The following PANX1 variants were observed in gnomAD, a reference collection of about 807,000 sequenced individuals.
PANX1 encodes the protein pannexin-1.
A neutral mutation model predicts 38.7 loss-of-function variants in PANX1; 30 were observed. The ratio of observed to expected loss-of-function variants is 0.78; its 90% CI spans 0.58 to 1.05. PANX1 has a LOEUF of 1.05. Among genes scored for constraint, PANX1 ranks in the 50% least tolerant of loss-of-function variants. The probability of loss-of-function intolerance (pLI) is 0.00; values close to 1 mark genes in which losing one functional copy is unlikely to be tolerated. For missense variants in PANX1, 551 were observed against 517.2 expected (o/e 1.07, Z -0.63); for synonymous variants, 230 against 212.2 (o/e 1.08, Z -0.73).
intron 2 of PANX1, among the ~76,000 whole-genome samples, chr11:94,173,139 C>A (rs1484498930): frequency 6.6e-6 from 1 of 151,780 alleles, no homozygotes; most frequent in African/African-American, 2.4e-5. Flanking sequence ...ATCCTTCATG[C>A]ATCTTTTTAC....
At chr11:94,178,026 G>C (rs182439063) in intron 2 of PANX1, among the ~76,000 whole-genome samples, 1 of 148,220 alleles carries the variant, frequency 6.7e-6, no homozygotes, top group Non-Finnish European at 1.5e-5. Context: ...AGAAGCCTTC[G>C]TGATAGCTGC....
chr11:94,166,507 A>G (rs1947102500), intron 2 of PANX1, among the ~76,000 whole-genome samples: 1 of 152,152 alleles, frequency 6.6e-6, no homozygotes, highest in Non-Finnish European at 1.5e-5. Flanking sequence ...TAAGGTTTCC[A>G]CTGAAAAGTC....
Position 94,129,184 on chromosome 11 carries a change from G to A in PANX1, c.-129G>A. The stretch of plus-strand genomic sequence containing the variant: ...GAGGCACCGAGACACAAAGGCAGGC[G>A]GGATGCGGGAGCAGGCAAAGGGAAA... On this transcript the variant is annotated 5_prime_UTR_variant, in exon 1 of 5. Coordinates refer to ENST00000227638, the MANE Select transcript of PANX1 (RefSeq NM_015368.4). The A allele has an allele frequency of 7.4e-6, 5 of 671,400 alleles. No individual in the cohort carries two copies. The highest frequency in any genetic ancestry group is 1.2e-5 in the Non-Finnish European group (5 of 416,128). 41.6% of individuals were successfully genotyped at this position (671,400 alleles called of 1,614,324 possible).
rs76136632 is a variant in PANX1, at chr11:94,145,149, G to A, written c.182-8342G>A. Among the ~76,000 whole-genome samples the A allele has an allele frequency of 6.6e-3, 1,000 of 152,262 alleles. 9 individuals are homozygous for A. Among genetic ancestry groups the A allele is most frequent in the African/African-American group, 0.023 (958 of 41,550 alleles). On this transcript the variant is annotated intron_variant, in intron 1 of 4. Coordinates refer to ENST00000227638, the MANE Select transcript of PANX1 (RefSeq NM_015368.4). ...ACATGTGGATGAAGCAAGCCAAAGA[G>A]GACTATAGCGTGTACGTGATGCCCC...
intron 2 of PANX1, among the ~76,000 whole-genome samples, chr11:94,155,980 T>G (rs888583486): frequency 6.6e-6 from 1 of 152,220 alleles, no homozygotes; most frequent in South Asian, 2.1e-4. Context: ...TGTTGTAGTT[T>G]AAGTTCGTTT....
chr11:94,147,686 C>T (rs1946843150), intron 1 of PANX1, among the ~76,000 whole-genome samples: 2 of 152,112 alleles, frequency 1.3e-5, no homozygotes, highest in Non-Finnish European at 2.9e-5. Context: ...CTTCTGAGGC[C>T]CAGCAATGTG....
intron 2 of PANX1, among the ~76,000 whole-genome samples, chr11:94,163,027 T>C (rs1353069043): frequency 6.6e-6 from 1 of 152,042 alleles, no homozygotes; most frequent in Non-Finnish European, 1.5e-5. Flanking sequence ...CATGCACCAC[T>C]GCATGTGGCT....
intron 2 of PANX1, among the ~76,000 whole-genome samples, chr11:94,172,912 A>G (rs1947185282): frequency 2.0e-5 from 3 of 151,636 alleles, no homozygotes; most frequent in African/African-American, 4.9e-5. Flanking sequence ...TCTCCCCATG[A>G]TGGGTTCCCT....
At position 94,174,610 on chromosome 11, in the gene PANX1, C is replaced by T. The variant is rs1314493833; in HGVS notation, c.322-3759C>T. 2.0e-5 allele frequency among the ~76,000 whole-genome samples: 3 copies of T among 151,612 alleles called. 1 individual carries two copies. Among genetic ancestry groups the T allele is most frequent in the African/African-American group, 7.3e-5 (3 of 40,944 alleles). On this transcript the variant is annotated intron_variant, in intron 2 of 4. Coordinates refer to ENST00000227638, the MANE Select transcript of PANX1 (RefSeq NM_015368.4). ...ATTATCAGCTTGTGTTCCCATCTGT[C>T]CTGTGTAATCTTGGGGCAGACTCTG... is the stretch of plus-strand genomic sequence containing the variant.
At chr11:94,160,091 GAC>G (rs1294019941) in intron 2 of PANX1, among the ~76,000 whole-genome samples, 1 of 152,138 alleles carries the variant, frequency 6.6e-6, no homozygotes, top group African/African-American at 2.4e-5. Flanking sequence ...TGGTCTGAGA[GAC>G]AGTTTGTTAT....
chr11:94,131,278 C>T (rs1946626641), intron 1 of PANX1, among the ~76,000 whole-genome samples: 3 of 152,302 alleles, frequency 2.0e-5, no homozygotes, highest in Admixed American at 2.0e-4. Context: ...TCCTAAGGCA[C>T]CTGTACCTGT....
intron 1 of PANX1, among the ~76,000 whole-genome samples, chr11:94,131,433 C>A (rs1946628394): frequency 6.6e-6 from 1 of 152,202 alleles, no homozygotes; most frequent in African/African-American, 2.4e-5. Context: ...GATTTTGAGA[C>A]CTTGTTCTTG....
chr11:94,150,300 A>T (rs1340978949), intron 1 of PANX1, among the ~76,000 whole-genome samples: 1 of 152,156 alleles, frequency 6.6e-6, no homozygotes, highest in African/African-American at 2.4e-5. Context: ...GAACCACTGA[A>T]AAATGTTGAG....
chr11:94,129,287 C>T lies in PANX1; in HGVS notation c.-26C>T, dbSNP rs760649767. 1 of 1,587,624 alleles carries T rather than the reference C, an allele frequency of 6.3e-7. No homozygotes were observed. The highest frequency in any genetic ancestry group is 8.6e-7 in the Non-Finnish European group (1 of 1,160,940). ...CCGACGCCGGCTGTACCCGGACCTC[C>T]TGGTCGAGCCTGGCGCGCCGCAGCC... On this transcript the variant is annotated 5_prime_UTR_variant, in exon 1 of 5. Transcript: ENST00000227638.
intron 2 of PANX1, among the ~76,000 whole-genome samples, chr11:94,160,155 T>G (rs1363144678): frequency 6.6e-6 from 1 of 152,142 alleles, no homozygotes; most frequent in Non-Finnish European, 1.5e-5. Flanking sequence ...AACTATGTGG[T>G]CAATTTTGGA....
In PANX1 at chr11:94,153,584, A is replaced by G. The variant is rs746724818; in HGVS notation, c.275A>G (p.Asn92Ser). 6.2e-7 allele frequency: 1 copy of G among 1,613,934 alleles called. No individual in the cohort carries two copies. Among genetic ancestry groups the G allele is most frequent in the Non-Finnish European group, 8.5e-7 (1 of 1,179,914 alleles). Residue 92 changes from asparagine to serine, a missense_variant, in exon 2 of 5, where the codon AAC becomes AGC. By Grantham distance (46) the Asn-to-Ser change is conservative. Coordinates refer to ENST00000227638, the MANE Select transcript of PANX1 (RefSeq NM_015368.4). ...SYCWAAVQQKNSLQSESGNLP... is the reference protein window; with the variant it reads ...SYCWAAVQQKSSLQSESGNLP... ...TGCTGGGCGGCTGTTCAGCAGAAGA[A>G]CTCACTGCAGAGCGAGTCTGGAAAC...
At chr11:94,162,749 C>T (rs1328089785) in intron 2 of PANX1, among the ~76,000 whole-genome samples, 1 of 152,218 alleles carries the variant, frequency 6.6e-6, no homozygotes, top group Non-Finnish European at 1.5e-5. Context: ...TGACACTCCC[C>T]AGTGAGATGA....
At chr11:94,156,437 G>C (rs1946949527) in intron 2 of PANX1, among the ~76,000 whole-genome samples, 1 of 152,166 alleles carries the variant, frequency 6.6e-6, no homozygotes, top group Admixed American at 6.5e-5. Flanking sequence ...ATTGAAGTCA[G>C]GACCTGCCAC....
intron 2 of PANX1, among the ~76,000 whole-genome samples, chr11:94,162,734 C>T (rs1200462506): frequency 1.3e-5 from 2 of 152,206 alleles, no homozygotes; most frequent in Non-Finnish European, 2.9e-5. Context: ...CCTGCCCCCA[C>T]TTTCTGACAC....
Sources: allele counts gnomAD v4.1 joint callset (sites outside exome capture counted in the v4.1 genomes callset), GRCh38; gene constraint gnomAD v4.1.1; transcripts MANE v1.5; gene names NCBI Gene and HGNC (gene_info 2026-07-23, HGNC 2026-07-21).